Variants in GPHN observed in about 807,000 individuals in gnomAD.
The protein encoded by GPHN is gephyrin.
Under a neutral mutation model 95.5 loss-of-function variants are expected in GPHN, and 17 were observed. The observed-to-expected ratio is 0.18, with a 90% CI of 0.12 to 0.27. The LOEUF is 0.27. Ranked by LOEUF, GPHN falls within the 10% of genes least tolerant of loss-of-function variation. GPHN has a pLI of 1.00. For missense variants in GPHN, 660 were observed against 978.1 expected, an observed-to-expected ratio of 0.67 and a Z score of 4.34; for synonymous variants, 320 against 322.5, an observed-to-expected ratio of 0.99 and a Z score of 0.08.
intron 1 of GPHN, among the ~76,000 whole-genome samples, chr14:66,637,268 A>G (rs1164282408): frequency 6.6e-6 from 1 of 152,204 alleles, no homozygotes; most frequent in Non-Finnish European, 1.5e-5. Context: ...TTAGGATAAA[A>G]TACAAAATCT....
At chr14:66,772,675 G>A (rs1330023136) in intron 2 of GPHN, among the ~76,000 whole-genome samples, 1 of 152,056 alleles carries the variant, frequency 6.6e-6, no homozygotes, top group Admixed American at 6.5e-5. Context: ...CCATCCTAAT[G>A]ACCAATTTCA....
chr14:67,381,790 A>T, the GPHN span: 1 of 841,538 alleles, frequency 1.2e-6, no homozygotes. Context: ...ACATTTCATA[A>T]CAAAAGTGGG....
chr14:67,133,073 A>C (rs2079823121), intron 17 of GPHN, among the ~76,000 whole-genome samples: 1 of 152,124 alleles, frequency 6.6e-6, no homozygotes, highest in Non-Finnish European at 1.5e-5. Context: ...GAAAAGAATG[A>C]AATGATGGCT....
chr14:67,489,074 T>G, the GPHN span, among the ~76,000 whole-genome samples: 133,274 of 152,210 alleles, frequency 0.88, 58,455 homozygotes, highest in South Asian at 0.91. Context: ...TGAACCAGAG[T>G]TTCTTGGAAC....
At chr14:66,623,344 A>G (rs569957525) in intron 1 of GPHN, among the ~76,000 whole-genome samples, 3 of 152,152 alleles carry the variant, frequency 2.0e-5, no homozygotes, top group African/African-American at 7.2e-5. Flanking sequence ...ACAATTGAGG[A>G]TGAGATTTGG....
the GPHN span, among the ~76,000 whole-genome samples, chr14:67,296,637 C>A: frequency 1.4e-5 from 2 of 147,964 alleles, no homozygotes; most frequent in Non-Finnish European, 3.0e-5. Flanking sequence ...TCCTGAAGGC[C>A]ATTAATAAAT....
chr14:67,653,595 T>C, the GPHN span: 1 of 1,107,814 alleles, frequency 9.0e-7, no homozygotes, highest in African/African-American at 1.6e-5. Context: ...GGGATATATG[T>C]TGAAAAATTC....
At chr14:66,961,952 A>G (rs2068973187) in intron 8 of GPHN, among the ~76,000 whole-genome samples, 1 of 132,276 alleles carries the variant, frequency 7.6e-6, no homozygotes, top group African/African-American at 2.7e-5. Context: ...ATATATACAC[A>G]TATCTCCCAG....
intron 14 of GPHN, 36 bp downstream of exon 14, chr14:67,110,295 C>T (rs1353469932): frequency 1.9e-6 from 3 of 1,609,880 alleles, no homozygotes; most frequent in Admixed American, 3.3e-5. Flanking sequence ...GCTGTTGTTC[C>T]TATGGCAGTA....
chr14:67,298,098 A>T, the GPHN span, among the ~76,000 whole-genome samples: 2 of 152,098 alleles, frequency 1.3e-5, no homozygotes, highest in African/African-American at 4.8e-5. Flanking sequence ...GGAAAAGACG[A>T]AAGAATCAGA....
the GPHN span, chr14:67,447,186 G>A: frequency 2.6e-5 from 4 of 152,310 alleles, no homozygotes; most frequent in South Asian, 4.1e-4. Flanking sequence ...TCACTTCCTG[G>A]TTCAAAGATA....
the GPHN span, among the ~76,000 whole-genome samples, chr14:67,654,576 T>C: frequency 2.0e-5 from 3 of 152,316 alleles, no homozygotes; most frequent in South Asian, 6.2e-4. Flanking sequence ...GGCAGGGCAT[T>C]ACTCTGACTT....
At chr14:66,771,620 A>G (rs1358821245) in intron 2 of GPHN, among the ~76,000 whole-genome samples, 1 of 151,922 alleles carries the variant, frequency 6.6e-6, no homozygotes, top group East Asian at 1.9e-4. Flanking sequence ...ACATGTGCAC[A>G]TTGTGCAGGT....
At chr14:67,036,500 T>TACACACACACACACACACAC (rs2074427603) in intron 10 of GPHN, among the ~76,000 whole-genome samples, 1 of 59,132 alleles carries the variant, frequency 1.7e-5, no homozygotes, top group African/African-American at 1.7e-4. Context: ...TATACATACA[T>TACACACACACACACACACAC]GCACACACAC....
the GPHN span, among the ~76,000 whole-genome samples, chr14:67,309,330 G>T: frequency 1.3e-5 from 2 of 152,256 alleles, no homozygotes; most frequent in South Asian, 4.2e-4. Flanking sequence ...TATAGTATCT[G>T]TTAAGGCAAT....
At chr14:67,343,291 C>A in the GPHN span, 50 of 1,078,470 alleles carry the variant, frequency 4.6e-5, no homozygotes, top group East Asian at 1.2e-3. Flanking sequence ...GTCTTCAGTA[C>A]AGTCCCTGAA....
the GPHN span, chr14:67,650,741 G>A: frequency 6.2e-7 from 1 of 1,614,072 alleles, no homozygotes; most frequent in Non-Finnish European, 8.5e-7. Flanking sequence ...GGATCTTGTT[G>A]AAGTCAATCC....
chr14:67,593,956 A>AAG, the GPHN span: 4 of 1,601,196 alleles, frequency 2.5e-6, no homozygotes, highest in Non-Finnish European at 3.4e-6. Flanking sequence ...TGCTGTTCTG[A>AAG]AGAGAGAGCC....
At chr14:66,934,448 G>C (rs969479376) in intron 8 of GPHN, among the ~76,000 whole-genome samples, 1 of 152,148 alleles carries the variant, frequency 6.6e-6, no homozygotes, top group Admixed American at 6.6e-5. Flanking sequence ...TGTAGTTTGG[G>C]TGGAATTGAT....
Sources: allele counts gnomAD v4.1 joint callset (sites outside exome capture counted in the v4.1 genomes callset), GRCh38; gene constraint gnomAD v4.1.1; transcripts MANE v1.5; gene names NCBI Gene and HGNC (gene_info 2026-07-23, HGNC 2026-07-21).